CBX7: variants seen among roughly 807,000 people sequenced by gnomAD.
The protein encoded by CBX7 is chromobox protein homolog 7.
Under a neutral mutation model 31.4 loss-of-function variants are expected in CBX7, and 14 were observed. The ratio of observed to expected loss-of-function variants is 0.45; its 90% CI spans 0.29 to 0.70. The LOEUF (loss-of-function observed/expected upper bound fraction) is 0.70, where lower values mean the gene tolerates loss of function less well. Among genes scored for constraint, CBX7 ranks in the 30% least tolerant of loss-of-function variants. CBX7 has a pLI of 0.11. For synonymous variants in CBX7, 159 were observed against 152.6 expected (o/e 1.04, Z -0.31); for missense variants, 269 against 351.9 (o/e 0.76, Z 1.89).
At position 39,141,463 on chromosome 22, in the gene CBX7, T is replaced by C. The variant is rs1369304947; in HGVS notation, c.114-27A>G. 1.9e-6 allele frequency: 3 copies of C among 1,604,146 alleles called. No homozygotes were observed. In the East Asian group the frequency reaches 6.8e-5, roughly 36 times the overall value. On this transcript the variant is annotated intron_variant, in intron 2 of 5. Transcript: ENST00000216133. Reference sequence around the variant, plus strand: ...TGGGGAGAGGAATGAAAGGTCAGAGTTGGGGCTGGGCGCGGTGGCTCATGC... The same window carrying C: ...TGGGGAGAGGAATGAAAGGTCAGAGCTGGGGCTGGGCGCGGTGGCTCATGC...
At chr22:39,141,671 C>T (rs1327900969) in intron 2 of CBX7, among the ~76,000 whole-genome samples, 2 of 151,848 alleles carry the variant, frequency 1.3e-5, no homozygotes, top group Non-Finnish European at 2.9e-5. Flanking sequence ...ATTGCTTGAA[C>T]CCAAGAGGCA....
intron 2 of CBX7, among the ~76,000 whole-genome samples, chr22:39,146,072 A>C (rs1930651329): frequency 6.6e-6 from 1 of 152,298 alleles, no homozygotes; most frequent in Non-Finnish European, 1.5e-5. Context: ...GCTGCACAGA[A>C]GACACAGCAC....
intron 4 of CBX7, among the ~76,000 whole-genome samples, chr22:39,137,227 T>C (rs1930285899): frequency 6.6e-6 from 1 of 152,110 alleles, no homozygotes; most frequent in Non-Finnish European, 1.5e-5. Flanking sequence ...TAGCTGAGCA[T>C]CCCCAATCCA....
chr22:39,146,622 T>C (rs1388261776), intron 2 of CBX7, among the ~76,000 whole-genome samples: 1 of 152,258 alleles, frequency 6.6e-6, no homozygotes, highest in East Asian at 1.9e-4. Flanking sequence ...TCTGCCCAGC[T>C]CTATGACCCT....
At chr22:39,138,546 C>T in intron 4 of CBX7, 90 bp downstream of exon 4, 2 of 1,216,212 alleles carry the variant, frequency 1.6e-6, no homozygotes, top group South Asian at 2.4e-5. Context: ...CACAGATCAG[C>T]TCAATCAGCC....
intron 2 of CBX7, among the ~76,000 whole-genome samples, chr22:39,145,932 G>A (rs1211872294): frequency 6.6e-6 from 1 of 152,136 alleles, no homozygotes; most frequent in Admixed American, 6.5e-5. Context: ...TTCCCGGGGG[G>A]TCGGGGGAAG....
rs1930011740 is a variant in CBX7, at chr22:39,130,886, A to C, written c.*3005T>G. On this transcript the variant is annotated 3_prime_UTR_variant, in exon 6 of 6. Coordinates refer to ENST00000216133, the MANE Select transcript of CBX7 (RefSeq NM_175709.5). ...ACAGTCTCTTACCAATGTCAGTACA[A>C]AAATAAAACCGCGCTCTACATCCAC... The C allele has an allele frequency of 6.6e-6, 1 of 152,604 alleles. No individual in the cohort carries two copies. Among genetic ancestry groups the C allele is most frequent in the African/African-American group, 2.4e-5 (1 of 41,428 alleles). 9.5% of individuals were successfully genotyped at this position (152,604 alleles called of 1,614,324 possible).
At chr22:39,140,341 T>C (rs530864555) in intron 3 of CBX7, among the ~76,000 whole-genome samples, 1 of 152,232 alleles carries the variant, frequency 6.6e-6, no homozygotes, top group South Asian at 2.1e-4. Context: ...TCCATGGGAT[T>C]CCCAAGTGTC....
chr22:39,149,564 C>T (rs919141910), intron 2 of CBX7: 4 of 573,030 alleles, frequency 7.0e-6, no homozygotes, highest in South Asian at 2.2e-5. Flanking sequence ...GAGCTCAACA[C>T]TCAGGAGGGC....
At chr22:39,140,293 G>A (rs779950195) in intron 3 of CBX7, among the ~76,000 whole-genome samples, 2 of 152,082 alleles carry the variant, frequency 1.3e-5, no homozygotes, top group Non-Finnish European at 2.9e-5. Flanking sequence ...ACTAGAATCC[G>A]GGCCTTTGAT....
At chr22:39,139,635 G>A (rs1385438490) in intron 3 of CBX7, among the ~76,000 whole-genome samples, 3 of 145,790 alleles carry the variant, frequency 2.1e-5, no homozygotes, top group East Asian at 4.1e-4. Flanking sequence ...CCTGGGAGGC[G>A]GAGCTTGCAG....
At chr22:39,145,326 G>A (rs1340241980) in intron 2 of CBX7, among the ~76,000 whole-genome samples, 1 of 152,170 alleles carries the variant, frequency 6.6e-6, no homozygotes, top group Non-Finnish European at 1.5e-5. Flanking sequence ...GAGGCGCCAA[G>A]GGGAACGCGC....
At chr22:39,150,296 C>T (rs2146374250) in intron 1 of CBX7, among the ~76,000 whole-genome samples, 1 of 152,286 alleles carries the variant, frequency 6.6e-6, no homozygotes, top group East Asian at 1.9e-4. Flanking sequence ...TGCTGAGTCC[C>T]CTTTCAGTCT....
rs527631229 is a variant in CBX7 at position 39,134,975 on chromosome 22, C to G, written c.247-223G>C. The stretch of plus-strand genomic sequence containing the variant: ...AGCTCAGCCCTGCCTCTGGGCCCCA[C>G]AGAGCACTCGCGTCCCAGCGTTTAC... On this transcript the variant is annotated intron_variant, in intron 4 of 5. Coordinates refer to ENST00000216133, the MANE Select transcript of CBX7 (RefSeq NM_175709.5). The G allele has an allele frequency of 4.1e-3, 2,162 of 530,266 alleles. 7 individuals carry two copies. Among genetic ancestry groups the G allele is most frequent in the Non-Finnish European group, 5.7e-3 (1,715 of 301,218 alleles). 32.8% of individuals were successfully genotyped at this position (530,266 alleles called of 1,614,324 possible). A position where few individuals can be genotyped will look rare whatever the true frequency, so the allele number is the denominator to read the frequency against.
intron 4 of CBX7, chr22:39,134,991 C>T: frequency 2.0e-6 from 1 of 495,634 alleles, no homozygotes; most frequent in Non-Finnish European, 3.6e-6. Flanking sequence ...ACTCGCGTCC[C>T]AGCGTTTACT....
chr22:39,145,746 GAC>G (rs1204496609), intron 2 of CBX7, among the ~76,000 whole-genome samples: 1 of 150,704 alleles, frequency 6.6e-6, no homozygotes, highest in Non-Finnish European at 1.5e-5. Flanking sequence ...CGGGGACAGG[GAC>G]GGCGCGCGCC....
At chr22:39,151,675 C>A (rs1176462544) in intron 1 of CBX7, among the ~76,000 whole-genome samples, 2 of 152,206 alleles carry the variant, frequency 1.3e-5, no homozygotes. Context: ...GGTGTAGACG[C>A]CAGGCCCGGA....
At chr22:39,142,140 C>T (rs537908380) in intron 2 of CBX7, among the ~76,000 whole-genome samples, 1 of 152,214 alleles carries the variant, frequency 6.6e-6, no homozygotes, top group African/African-American at 2.4e-5. Context: ...CGACCTTGAG[C>T]AACTTCCTGA....
At chr22:39,142,363 CAG>C (rs1422075022) in intron 2 of CBX7, among the ~76,000 whole-genome samples, 4 of 152,194 alleles carry the variant, frequency 2.6e-5, no homozygotes, top group Non-Finnish European at 5.9e-5. Context: ...ACCCAGGCCA[CAG>C]CCAGGTCTGA....
Sources: allele counts gnomAD v4.1 joint callset (sites outside exome capture counted in the v4.1 genomes callset), GRCh38; gene constraint gnomAD v4.1.1; transcripts MANE v1.5; gene names NCBI Gene and HGNC (gene_info 2026-07-23, HGNC 2026-07-21).